The following MARCO variants were observed in gnomAD, a reference collection of about 807,000 sequenced individuals.
MARCO encodes the protein macrophage receptor with collagenous structure.
In MARCO, 72 loss-of-function variants were observed where a neutral mutation model predicts 70.0. The observed-to-expected ratio is 1.03, with a 90% CI of 0.85 to 1.25. The LOEUF is 1.25. Among genes scored for constraint, MARCO ranks in the 50% most tolerant of loss-of-function variants. MARCO has a pLI of 0.00. For missense variants in MARCO, 696 were observed against 659.3 expected, an observed-to-expected ratio of 1.06 and a Z score of -0.61; for synonymous variants, 273 against 243.1, an observed-to-expected ratio of 1.12 and a Z score of -1.14.
In MARCO at chr2:118,994,550, G is replaced by A. The variant is rs761953094; in HGVS notation, c.*30G>A. 1.3e-5 allele frequency: 20 copies of A among 1,545,516 alleles called. No homozygotes were observed. Among genetic ancestry groups the A allele is most frequent in the African/African-American group, 1.2e-4 (9 of 72,972 alleles). The stretch of plus-strand genomic sequence containing the variant: ...GAAACCCTTTCACTTCTCTGCTCCC[G>A]AGGTGTCCTCGGGCTCATATGTGGG... On this transcript the variant is annotated 3_prime_UTR_variant, in exon 17 of 17. Transcript: ENST00000327097.
At chr2:118,952,671 G>C (rs553386296) in intron 1 of MARCO, 1 of 152,348 alleles carries the variant, frequency 6.6e-6, no homozygotes, top group East Asian at 1.9e-4. Flanking sequence ...CTAGGTTGCT[G>C]GCCAGTTTCT....
chr2:118,970,192 C>G lies in MARCO; in HGVS notation c.278C>G (p.Ser93Cys). ...NDTLAAEDSPSFSLLQSAHPG... is the reference protein window; with the variant it reads ...NDTLAAEDSPCFSLLQSAHPG... ...ACTCTGGCGGCTGAGGACAGCCCGTCCTTCTCCTTGCTGCAGTCAGCACAC... is the reference window on the plus strand; with the variant it reads ...ACTCTGGCGGCTGAGGACAGCCCGTGCTTCTCCTTGCTGCAGTCAGCACAC... Residue 93 changes from serine (S) to cysteine (C), a missense_variant, in exon 3 of 17, where the codon TCC (serine) becomes TGC (cysteine). Transcript: ENST00000327097. 1.2e-6 allele frequency: 2 copies of G among 1,614,190 alleles called. No individual in the cohort carries two copies. The highest frequency in any genetic ancestry group is 1.7e-6 in the Non-Finnish European group (2 of 1,180,048).
intron 8 of MARCO, among the ~76,000 whole-genome samples, chr2:118,979,053 G>T (rs1680340585): frequency 6.6e-6 from 1 of 152,142 alleles, no homozygotes. Flanking sequence ...ATGAATTACT[G>T]CAGGAATATA....
chr2:118,972,616 T>G (rs367890855), intron 4 of MARCO, among the ~76,000 whole-genome samples: 28 of 152,330 alleles, frequency 1.8e-4, no homozygotes, highest in East Asian at 1.7e-3. Flanking sequence ...CTTAGTCCAG[T>G]GTCCAGCAAA....
chr2:118,964,530 A>G (rs1397518617), intron 1 of MARCO, among the ~76,000 whole-genome samples: 1 of 152,184 alleles, frequency 6.6e-6, no homozygotes, highest in East Asian at 1.9e-4. Flanking sequence ...TCAGAACACA[A>G]AATAAGCTGT....
At chr2:118,966,640 A>G (rs1008287017) in intron 1 of MARCO, among the ~76,000 whole-genome samples, 8 of 152,216 alleles carry the variant, frequency 5.3e-5, no homozygotes, top group East Asian at 3.9e-4. Context: ...TTCTCATTGT[A>G]TCCTTACTCA....
chr2:118,974,513 C>T lies in MARCO; in HGVS notation c.569-8C>T, dbSNP rs768793426. 1 of 1,613,944 alleles carries T rather than the reference C, an allele frequency of 6.2e-7. No homozygotes were observed. The highest frequency in any genetic ancestry group is 1.7e-5 in the Admixed American group (1 of 60,008). Reference sequence around the variant, plus strand: ...CTGGCTTCACTCTGAATTCCCTTTCCCTTCCAGGCCCCTCGGGACCCCAAG... The same window carrying T: ...CTGGCTTCACTCTGAATTCCCTTTCTCTTCCAGGCCCCTCGGGACCCCAAG... On this transcript the variant is annotated splice_region_variant and splice_polypyrimidine_tract_variant and intron_variant, in intron 5 of 16. Coordinates refer to ENST00000327097, the MANE Select transcript of MARCO (RefSeq NM_006770.4).
At chr2:118,981,683 A>G in intron 10 of MARCO, 27 bp downstream of exon 10, 1 of 1,609,464 alleles carries the variant, frequency 6.2e-7, no homozygotes, top group South Asian at 1.1e-5. Flanking sequence ...TCTGGGCATC[A>G]TCCCAGCTAC....
chr2:118,944,728 G>A (rs1414543991), intron 1 of MARCO: 1 of 151,886 alleles, frequency 6.6e-6, no homozygotes, highest in Non-Finnish European at 1.5e-5. Context: ...GAAAATTTTA[G>A]AAGTGAGTTT....
At chr2:118,992,352 G>T (rs80199824) in intron 14 of MARCO, 80 bp from the exon 15 acceptor site, 1 of 1,181,940 alleles carries the variant, frequency 8.5e-7, no homozygotes, top group Non-Finnish European at 1.3e-6. Flanking sequence ...CCCTCCACCC[G>T]CTCCCCACTC....
At chr2:118,962,838 T>C (rs1184546012) in intron 1 of MARCO, among the ~76,000 whole-genome samples, 1 of 152,078 alleles carries the variant, frequency 6.6e-6, no homozygotes, top group Non-Finnish European at 1.5e-5. Context: ...GTTTTGGTAG[T>C]TTGTGGCTTT....
intron 1 of MARCO, among the ~76,000 whole-genome samples, chr2:118,947,235 A>G (rs867497704): frequency 3.3e-5 from 5 of 152,318 alleles, no homozygotes; most frequent in Middle Eastern, 6.8e-3. Flanking sequence ...AGAGTTCTTT[A>G]GCCCTTGTTG....
intron 1 of MARCO, among the ~76,000 whole-genome samples, chr2:118,958,428 T>G (rs992213259): frequency 1.4e-5 from 2 of 147,892 alleles, no homozygotes; most frequent in Non-Finnish European, 3.0e-5. Flanking sequence ...AAAAATACAA[T>G]ACTTAGGAAG....
chr2:118,987,718 G>A (rs1314142830), intron 12 of MARCO, among the ~76,000 whole-genome samples: 1 of 152,224 alleles, frequency 6.6e-6, no homozygotes, highest in Non-Finnish European at 1.5e-5. Flanking sequence ...GAACTTGTTA[G>A]TACTGTGGAT....
chr2:118,961,151 T>C (rs999200931), intron 1 of MARCO, among the ~76,000 whole-genome samples: 1 of 152,236 alleles, frequency 6.6e-6, no homozygotes, highest in African/African-American at 2.4e-5. Context: ...GATGGACGTT[T>C]GGGTTGATTC....
At chr2:118,985,289 G>A (rs3731612) in intron 12 of MARCO, among the ~76,000 whole-genome samples, 42,313 of 151,898 alleles carry the variant, frequency 0.28, 8,172 homozygotes, top group African/African-American at 0.54. Flanking sequence ...GAGAGAAATC[G>A]GTTACCTTCA....
chr2:118,977,631 G>A, intron 7 of MARCO, 116 bp downstream of exon 7: 1 of 820,382 alleles, frequency 1.2e-6, no homozygotes, highest in South Asian at 1.5e-5. Flanking sequence ...GACAGTTACT[G>A]CCCACCCTAC....
At chr2:118,977,634 C>A in intron 7 of MARCO, 119 bp downstream of exon 7, 1 of 908,112 alleles carries the variant, frequency 1.1e-6, no homozygotes, top group East Asian at 2.6e-5. Context: ...AGTTACTGCC[C>A]ACCCTACAGT....
At chr2:118,950,700 G>A (rs911798342) in intron 1 of MARCO, among the ~76,000 whole-genome samples, 1 of 152,204 alleles carries the variant, frequency 6.6e-6, no homozygotes, top group Non-Finnish European at 1.5e-5. Context: ...AACTTTCTGA[G>A]TTGTTGCTAA....
Sources: allele counts gnomAD v4.1 joint callset (sites outside exome capture counted in the v4.1 genomes callset), GRCh38; gene constraint gnomAD v4.1.1; transcripts MANE v1.5; gene names NCBI Gene and HGNC (gene_info 2026-07-23, HGNC 2026-07-21).